The following CPNE8 variants were observed in gnomAD, a reference collection of about 807,000 sequenced individuals.
CPNE8 encodes the protein copine-8.
Under a neutral mutation model 81.5 loss-of-function variants are expected in CPNE8, and 45 were observed. That is an observed-to-expected ratio of 0.55 (90% CI 0.44 to 0.71). The LOEUF is 0.71. Among genes scored for constraint, CPNE8 ranks in the 30% least tolerant of loss-of-function variants. The pLI is 0.00. For synonymous variants in CPNE8, 252 were observed against 226.3 expected (o/e 1.11, Z -1.02); for missense variants, 594 against 672.1 (o/e 0.88, Z 1.28).
At chr12:38,734,463 C>T (rs7136593) in intron 10 of CPNE8, among the ~76,000 whole-genome samples, 83,969 of 151,818 alleles carry the variant, frequency 0.55, 23,771 homozygotes, top group East Asian at 0.81. Context: ...GAGAATATTG[C>T]CATTTTTGGC....
chr12:38,820,836 G>T (rs554309820), intron 6 of CPNE8, among the ~76,000 whole-genome samples: 1 of 152,132 alleles, frequency 6.6e-6, no homozygotes, highest in Non-Finnish European at 1.5e-5. Context: ...CAATCTGTAT[G>T]GCAACCTCAA....
intron 6 of CPNE8, among the ~76,000 whole-genome samples, chr12:38,821,558 C>T (rs1943110794): frequency 6.6e-6 from 1 of 152,122 alleles, no homozygotes; most frequent in Non-Finnish European, 1.5e-5. Flanking sequence ...CAAGTCAGAA[C>T]AACCAACCAA....
intron 6 of CPNE8, among the ~76,000 whole-genome samples, chr12:38,794,325 T>A (rs974035190): frequency 5.3e-5 from 8 of 152,094 alleles, no homozygotes; most frequent in African/African-American, 1.9e-4. Context: ...CCAAAATATA[T>A]AAAGAACTGC....
intron 19 of CPNE8, among the ~76,000 whole-genome samples, chr12:38,659,744 C>T (rs1591993865): frequency 1.3e-5 from 2 of 152,162 alleles, no homozygotes; most frequent in South Asian, 2.1e-4. Context: ...TTAAGAAACT[C>T]ACTCAAAACC....
At chr12:38,890,060 T>G (rs1332118531) in intron 1 of CPNE8, among the ~76,000 whole-genome samples, 1 of 152,252 alleles carries the variant, frequency 6.6e-6, no homozygotes, top group Non-Finnish European at 1.5e-5. Flanking sequence ...AGTTGCATTT[T>G]TTAAATCACA....
intron 1 of CPNE8, among the ~76,000 whole-genome samples, chr12:38,883,066 G>C (rs546053169): frequency 1.8e-4 from 28 of 152,248 alleles, no homozygotes; most frequent in African/African-American, 6.7e-4. Flanking sequence ...TATTTACTAA[G>C]TGCCAGGCGC....
intron 10 of CPNE8, among the ~76,000 whole-genome samples, chr12:38,731,368 T>C (rs1252572742): frequency 1.3e-5 from 2 of 151,888 alleles, no homozygotes; most frequent in African/African-American, 2.4e-5. Flanking sequence ...GACCTTGCAA[T>C]CAGTAACAAG....
intron 7 of CPNE8, among the ~76,000 whole-genome samples, chr12:38,770,778 C>A (rs979558251): frequency 3.3e-5 from 5 of 152,112 alleles, no homozygotes; most frequent in Non-Finnish European, 2.9e-5. Context: ...AATTCTTATC[C>A]TTGGGCTGGC....
chr12:38,852,968 G>T (rs1943670006), intron 3 of CPNE8, among the ~76,000 whole-genome samples: 1 of 152,030 alleles, frequency 6.6e-6, no homozygotes. Flanking sequence ...GCAATGAGTA[G>T]AATTTACTTT....
chr12:38,815,935 T>C (rs1443509718), intron 6 of CPNE8, among the ~76,000 whole-genome samples: 1 of 152,198 alleles, frequency 6.6e-6, no homozygotes, highest in Non-Finnish European at 1.5e-5. Flanking sequence ...AATTATTGAA[T>C]AGAGTAGCAT....
rs1010060057 is a variant in CPNE8 at position 38,676,292 on chromosome 12, A to T, written c.1375-518T>A. 24 of 984,698 alleles carry T rather than the reference A, an allele frequency of 2.4e-5. No individual in the cohort carries two copies. In the African/African-American group the frequency reaches 3.8e-4, roughly 16 times the overall value. The allele number at this position is 984,698 out of a possible 1,614,324, so 61.0% of individuals were successfully genotyped here. A position where few individuals can be genotyped will look rare whatever the true frequency, so the allele number is the denominator to read the frequency against. On this transcript the variant is annotated intron_variant, in intron 17 of 19. Transcript: ENST00000331366. ...TATCCTTTCCAAACTCTCTGCACAC[A>T]TTAATCCAGTGGGACATTCTTCGGA...
At chr12:38,879,287 G>T (rs950518232) in intron 1 of CPNE8, among the ~76,000 whole-genome samples, 1 of 151,872 alleles carries the variant, frequency 6.6e-6, no homozygotes, top group African/African-American at 2.4e-5. Context: ...GCCCAGTAGG[G>T]ACCCTGGCTT....
rs1419353264 is a variant in CPNE8 at position 38,803,165 on chromosome 12, G to A, written c.407+26214C>T. 1.9e-4 allele frequency among the ~76,000 whole-genome samples: 14 copies of A among 75,332 alleles called. No individual in the cohort carries two copies. The East Asian group carries it at 5.1e-3, about 28-fold the overall frequency. 49.4% of individuals were successfully genotyped at this position (75,332 alleles called of 152,430 possible). On this transcript the variant is annotated intron_variant, in intron 6 of 19. Transcript: ENST00000331366. ...CTCCCTAACTCATTTTATGAGGCCA[G>A]CATCATTCTGATACCAAAGCCGGGC...
chr12:38,776,591 TG>T (rs1220825705), intron 6 of CPNE8, among the ~76,000 whole-genome samples: 1 of 151,992 alleles, frequency 6.6e-6, no homozygotes, highest in Non-Finnish European at 1.5e-5. Flanking sequence ...ATTACAGGCA[TG>T]AGCTACCACA....
chr12:38,899,913 C>T lies in CPNE8; in HGVS notation c.98+5524G>A, dbSNP rs189100010. Among the ~76,000 whole-genome samples the T allele has an allele frequency of 2.2e-3, 339 of 152,110 alleles. 3 individuals are homozygous for T. The highest frequency in any genetic ancestry group is 7.7e-3 in the African/African-American group (318 of 41,492). On this transcript the variant is annotated intron_variant, in intron 1 of 19. Coordinates refer to ENST00000331366, the MANE Select transcript of CPNE8 (RefSeq NM_153634.3). ...AATTGGGAAGAGAACAGAAGCACAGCACTGCAGAATACTTTCAACACACAG... is the reference window on the plus strand; with the variant it reads ...AATTGGGAAGAGAACAGAAGCACAGTACTGCAGAATACTTTCAACACACAG...
At chr12:38,751,755 A>G (rs1025319208) in intron 10 of CPNE8, among the ~76,000 whole-genome samples, 2 of 152,214 alleles carry the variant, frequency 1.3e-5, no homozygotes, top group African/African-American at 4.8e-5. Flanking sequence ...TTTTTGACAG[A>G]CATGTATGAA....
chr12:38,802,741 A>T (rs948209616), intron 6 of CPNE8, among the ~76,000 whole-genome samples: 1 of 150,852 alleles, frequency 6.6e-6, no homozygotes, highest in Non-Finnish European at 1.5e-5. Flanking sequence ...AAGGATCAAC[A>T]AAATTGATAG....
At chr12:38,757,359 TA>T (rs1941482363) in intron 10 of CPNE8, among the ~76,000 whole-genome samples, 1 of 151,848 alleles carries the variant, frequency 6.6e-6, no homozygotes, top group South Asian at 2.1e-4. Flanking sequence ...TTTGTCAGAT[TA>T]AAAAAACATG....
chr12:38,872,969 G>A lies in CPNE8; in HGVS notation c.186+35C>T, dbSNP rs751131982. On this transcript the variant is annotated intron_variant, in intron 3 of 19. Coordinates refer to ENST00000331366, the MANE Select transcript of CPNE8 (RefSeq NM_153634.3). ...AAGTTATAACTTACTGTATCTTCAAGCCCAGTGATTTTTTTAAAAAAGTTT... is the reference window on the plus strand; with the variant it reads ...AAGTTATAACTTACTGTATCTTCAAACCCAGTGATTTTTTTAAAAAAGTTT... 4 of 1,225,738 alleles carry A rather than the reference G, an allele frequency of 3.3e-6. No homozygotes were observed. In the African/African-American group the frequency reaches 4.5e-5, roughly 14 times the overall value. The allele number at this position is 1,225,738 out of a possible 1,614,324, so 75.9% of individuals were successfully genotyped here.
Sources: allele counts gnomAD v4.1 joint callset (sites outside exome capture counted in the v4.1 genomes callset), GRCh38; gene constraint gnomAD v4.1.1; transcripts MANE v1.5; gene names NCBI Gene and HGNC (gene_info 2026-07-23, HGNC 2026-07-21).